NME8: variants seen among roughly 807,000 people sequenced by gnomAD.
The protein encoded by NME8 is NME/NM23 family member 8, also known as protein NME8.
A neutral mutation model predicts 82.3 loss-of-function variants in NME8; 72 were observed. That is an observed-to-expected ratio of 0.87 (90% CI 0.72 to 1.06). The LOEUF is 1.06. NME8 is among the 50% of genes least tolerant of loss of function. The pLI is 0.00. For synonymous variants in NME8, 267 were observed against 228.5 expected, an observed-to-expected ratio of 1.17 and a Z score of -1.52; for missense variants, 712 against 685.4, an observed-to-expected ratio of 1.04 and a Z score of -0.43.
In NME8 at chr7:37,867,737, T is replaced by C; in HGVS notation, c.657T>C (p.Ser219=). The stretch of plus-strand genomic sequence containing the variant: ...AAGAGTTTGTCTCTTTTATGACAAG[T>C]GGCTTAAGCTATATTCTAGTTGTAT... ...DFEEFVSFMT[S]GLSYILVVSQ... The change falls in exon 11 of 18, where the codon AGT becomes AGC. Residue 219 remains serine, a synonymous_variant. Transcript: ENST00000199447. 1 of 1,613,594 alleles carries C rather than the reference T, an allele frequency of 6.2e-7. No homozygotes were observed. The highest frequency in any genetic ancestry group is 8.5e-7 in the Non-Finnish European group (1 of 1,179,564).
At chr7:37,859,964 T>TC (rs1784574690) in intron 6 of NME8, among the ~76,000 whole-genome samples, 1 of 152,186 alleles carries the variant, frequency 6.6e-6, no homozygotes, top group Non-Finnish European at 1.5e-5. Flanking sequence ...ATTCAGATAT[T>TC]CCCTCAATGT....
rs1562826444 is a variant in NME8, at chr7:37,849,868, T to TAAAAA, written c.-7-392_-7-391insAAAAA. On this transcript the variant is annotated intron_variant, in intron 2 of 17. Coordinates refer to ENST00000199447, the MANE Select transcript of NME8 (RefSeq NM_016616.5). ...TCTGGCAACAGAGTGAGACTATGTCTCAAAAAAAAAAAAAAAAAAAAAGAA... is the reference window on the plus strand; with the variant it reads ...TCTGGCAACAGAGTGAGACTATGTCTAAAAACAAAAAAAAAAAAAAAAAAAAAGAA... Among the ~76,000 whole-genome samples the TAAAAA allele has an allele frequency of 1.8e-4, 20 of 111,548 alleles. 2 individuals are homozygous for TAAAAA. The highest frequency in any genetic ancestry group is 1.2e-4 in the Non-Finnish European group (7 of 58,080). 73.2% of individuals were successfully genotyped at this position (111,548 alleles called of 152,430 possible).
intron 14 of NME8, among the ~76,000 whole-genome samples, chr7:37,885,481 G>C (rs1402603211): frequency 6.6e-6 from 1 of 152,132 alleles, no homozygotes; most frequent in Non-Finnish European, 1.5e-5. Context: ...CTTGGGGCTG[G>C]GAGCTAAGAG....
intron 7 of NME8, among the ~76,000 whole-genome samples, chr7:37,862,901 C>T (rs960272328): frequency 2.0e-5 from 3 of 152,104 alleles, no homozygotes; most frequent in East Asian, 1.9e-4. Flanking sequence ...GGGCAGATCA[C>T]TTGAGGTCAG....
intron 10 of NME8, among the ~76,000 whole-genome samples, chr7:37,867,103 G>A (rs1399887132): frequency 6.6e-6 from 1 of 152,176 alleles, no homozygotes; most frequent in Non-Finnish European, 1.5e-5. Flanking sequence ...GCCATCAGAT[G>A]TGCATTTGTG....
At chr7:37,864,887 C>T (rs1249259712) in intron 9 of NME8, among the ~76,000 whole-genome samples, 1 of 152,160 alleles carries the variant, frequency 6.6e-6, no homozygotes, top group Non-Finnish European at 1.5e-5. Context: ...CATCAGATCT[C>T]ATGAGACTCA....
At chr7:37,857,751 C>T (rs1171701076) in intron 6 of NME8, among the ~76,000 whole-genome samples, 1 of 152,162 alleles carries the variant, frequency 6.6e-6, no homozygotes, top group African/African-American at 2.4e-5. Context: ...ACACATTACT[C>T]TTATCTCTAT....
intron 8 of NME8, among the ~76,000 whole-genome samples, chr7:37,864,090 G>C (rs553999978): frequency 6.6e-6 from 1 of 152,184 alleles, no homozygotes; most frequent in South Asian, 2.1e-4. Context: ...AAACCACCAG[G>C]GCCTACCTAC....
rs142983316 is a variant in NME8, at chr7:37,892,490, A to G, written c.1400-1976A>G. Among the ~76,000 whole-genome samples, 1,136 of 151,722 alleles carry G rather than the reference A, an allele frequency of 7.5e-3. 27 individuals carry two copies. The highest frequency in any genetic ancestry group is 0.025 in the African/African-American group (1,047 of 41,486). ...TTCTTAAATACATATAGTAATATAT[A>G]TTATTTAATTATATACACAGATATG... On this transcript the variant is annotated intron_variant, in intron 15 of 17. Transcript: ENST00000199447.
chr7:37,889,203 T>A (rs1014756452), intron 15 of NME8, among the ~76,000 whole-genome samples: 1 of 152,012 alleles, frequency 6.6e-6, no homozygotes, highest in Non-Finnish European at 1.5e-5. Context: ...ATTCCAGCTA[T>A]GTAATTTGTA....
intron 15 of NME8, 117 bp downstream of exon 15, chr7:37,888,545 T>G (rs1785078589): frequency 4.6e-6 from 4 of 876,206 alleles, no homozygotes. Flanking sequence ...AAAGAAAAGT[T>G]GCGATGAGTA....
intron 5 of NME8, among the ~76,000 whole-genome samples, 195 bp downstream of exon 5, chr7:37,850,930 T>C (rs1331308208): frequency 6.6e-6 from 1 of 152,214 alleles, no homozygotes; most frequent in Non-Finnish European, 1.5e-5. Context: ...CCCATTCTTA[T>C]AACGTCGAGG....
intron 11 of NME8, among the ~76,000 whole-genome samples, chr7:37,868,711 A>G (rs1055751876): frequency 6.6e-6 from 1 of 152,134 alleles, no homozygotes; most frequent in Non-Finnish European, 1.5e-5. Flanking sequence ...CTGCCAACTC[A>G]GTCTCCTCTC....
intron 4 of NME8, 46 bp downstream of exon 4, chr7:37,850,481 A>C (rs1287224877): frequency 2.5e-6 from 4 of 1,602,744 alleles, no homozygotes; most frequent in Non-Finnish European, 3.4e-6. Flanking sequence ...TTTGACCCGG[A>C]GCTCCTCCTG....
intron 16 of NME8, among the ~76,000 whole-genome samples, chr7:37,895,653 G>A (rs1785215679): frequency 6.6e-6 from 1 of 152,034 alleles, no homozygotes; most frequent in Non-Finnish European, 1.5e-5. Context: ...ATGCTTTGCA[G>A]TACAATATTT....
At chr7:37,898,328 T>G (rs1046789976) in intron 17 of NME8, among the ~76,000 whole-genome samples, 6 of 152,144 alleles carry the variant, frequency 3.9e-5, no homozygotes, top group African/African-American at 1.4e-4. Context: ...CTTAAAAGGT[T>G]AAACATAGAA....
rs57828103 is a variant in NME8, at chr7:37,876,216, C to CTA, written c.819-601_819-600dup. ...AGCGAGACTCCATCTCAAAAAAACA[C>CTA]TATATATATATATATAGATAGATAG... On this transcript the variant is annotated intron_variant, in intron 11 of 17. Coordinates refer to ENST00000199447, the MANE Select transcript of NME8 (RefSeq NM_016616.5). Among the ~76,000 whole-genome samples, 391 of 143,216 alleles carry CTA rather than the reference C, an allele frequency of 2.7e-3. 1 individual carries two copies. Among genetic ancestry groups the CTA allele is most frequent in the East Asian group, 7.5e-3 (36 of 4,826 alleles). The allele number at this position is 143,216 out of a possible 152,430, so 94.0% of individuals were successfully genotyped here.
At chr7:37,857,000 A>G (rs1784521464) in intron 5 of NME8, among the ~76,000 whole-genome samples, 1 of 152,198 alleles carries the variant, frequency 6.6e-6, no homozygotes, top group Non-Finnish European at 1.5e-5. Flanking sequence ...CAGGGACAGT[A>G]AAAGAAGGGC....
intron 5 of NME8, among the ~76,000 whole-genome samples, chr7:37,856,933 C>T (rs866055970): frequency 1.2e-4 from 18 of 151,766 alleles, no homozygotes; most frequent in African/African-American, 2.7e-4. Flanking sequence ...CTGTGCAGAA[C>T]GAGAGATGAT....
Sources: allele counts gnomAD v4.1 joint callset (sites outside exome capture counted in the v4.1 genomes callset), GRCh38; gene constraint gnomAD v4.1.1; transcripts MANE v1.5; gene names NCBI Gene and HGNC (gene_info 2026-07-23, HGNC 2026-07-21).